The following ZBTB21 variants were observed in gnomAD, a reference collection of about 807,000 sequenced individuals.
The protein encoded by ZBTB21 is zinc finger and BTB domain-containing protein 21.
In ZBTB21, 10 loss-of-function variants were observed where a neutral mutation model predicts 39.8. The observed-to-expected ratio is 0.25, with a 90% CI of 0.16 to 0.43. The LOEUF (loss-of-function observed/expected upper bound fraction) is 0.43, where lower values mean the gene tolerates loss of function less well. Ranked by LOEUF, ZBTB21 falls within the 20% of genes least tolerant of loss-of-function variation. ZBTB21 has a pLI of 1.00. For missense variants in ZBTB21, 1,221 were observed against 1,296.3 expected (o/e 0.94, Z 0.89); for synonymous variants, 551 against 498.8 (o/e 1.10, Z -1.40).
intron 2 of ZBTB21, among the ~76,000 whole-genome samples, chr21:42,001,741 A>G (rs146665335): frequency 1.3e-5 from 2 of 152,360 alleles, no homozygotes; most frequent in African/African-American, 2.4e-5. Context: ...TGCCACACAC[A>G]CAAAAGAAAA....
At chr21:42,007,225 A>G (rs1438942709) in intron 1 of ZBTB21, among the ~76,000 whole-genome samples, 1 of 152,224 alleles carries the variant, frequency 6.6e-6, no homozygotes, top group Non-Finnish European at 1.5e-5. Flanking sequence ...CTTCCACAAC[A>G]ATAAAGATTT....
intron 2 of ZBTB21, among the ~76,000 whole-genome samples, chr21:42,000,225 AT>A (rs2065801392): frequency 6.6e-6 from 1 of 152,172 alleles, no homozygotes; most frequent in Non-Finnish European, 1.5e-5. Flanking sequence ...AGGAGTTCAG[AT>A]TTTTTAAAGA....
intron 2 of ZBTB21, chr21:42,002,261 C>T (rs2065826826): frequency 6.6e-6 from 1 of 152,086 alleles, no homozygotes; most frequent in African/African-American, 2.4e-5. Context: ...AAACAATGTA[C>T]CCTTTCCTAG....
Position 41,993,939 on chromosome 21 carries a change from C to G in ZBTB21, c.157G>C (p.Glu53Gln), listed in dbSNP as rs143202688. Residue 53 changes from glutamate to glutamine, a missense_variant, in exon 3 of 3, where the codon GAA becomes CAA. Glu to Gln is a conservative substitution (Grantham distance 29). Around this residue, in one of 4 missense-constraint regions of ZBTB21, gnomAD observed 108 missense variants for 155.0 expected, o/e 0.70. Transcript: ENST00000310826. ...TTTGTGAATAAACTCTGAAAGTATT[C>G]GCTGCTGGCAGCCAAGACGTTTTTA... is the stretch of plus-strand genomic sequence containing the variant. Reference protein sequence around the residue: ...AHKNVLAASSEYFQSLFTNKE... With the variant: ...AHKNVLAASSQYFQSLFTNKE... The G allele has an allele frequency of 6.2e-7, 1 of 1,614,202 alleles. No individual in the cohort carries two copies. Among genetic ancestry groups the G allele is most frequent in the South Asian group, 1.1e-5 (1 of 91,058 alleles).
rs959903063 is a variant in ZBTB21 at position 41,993,438 on chromosome 21, G to C, written c.658C>G (p.Leu220Val). ...TCATCCAAAGATCCAGAATGCTCAA[G>C]AGACTTTGCATATACCACAGAACTA... ...KDSSVVYAKS[L>V]EHSGSLDDPN... The change falls in exon 3 of 3, where the codon CTT becomes GTT. Residue 220 changes from leucine to valine, a missense_variant. Leu to Val is a conservative substitution (Grantham distance 32). Around this residue, in one of 4 missense-constraint regions of ZBTB21, gnomAD observed 500 missense variants for 465.6 expected, o/e 1.07. Transcript: ENST00000310826. 2 of 1,614,188 alleles carry C rather than the reference G, an allele frequency of 1.2e-6. No individual in the cohort carries two copies. The highest frequency in any genetic ancestry group is 1.1e-5 in the South Asian group (1 of 91,076).
intron 2 of ZBTB21, among the ~76,000 whole-genome samples, chr21:41,998,362 T>C (rs2065777160): frequency 6.6e-6 from 1 of 151,852 alleles, no homozygotes; most frequent in African/African-American, 2.4e-5. Flanking sequence ...CAGCTAATTT[T>C]TGTATTTTTA....
chr21:41,991,152 G>T lies in ZBTB21; in HGVS notation c.2944C>A (p.Pro982Thr). The T allele has an allele frequency of 3.7e-6, 6 of 1,614,150 alleles. No individual in the cohort carries two copies. The highest frequency in any genetic ancestry group is 5.1e-6 in the Non-Finnish European group (6 of 1,180,014). The change falls in exon 3 of 3, where the codon CCC becomes ACC. Residue 982 changes from proline to threonine, a missense_variant. Pro to Thr is a conservative substitution (Grantham distance 38). This residue lies in a region of ZBTB21 where 523 missense variants were observed against 542.5 expected (regional missense o/e 0.96). Transcript: ENST00000310826. The surrounding 1 kb of genome is among the most constrained non-coding windows in gnomAD (Gnocchi z 4.9). ...SEVCPVPTNS[P>T]SPPPLPPPPP... is the part of the protein sequence containing the mutation. ...GGCGGTGGCAGAGGTGGTGGAGAGGGAGAGTTTGTGGGAACAGGGCACACC... is the reference window on the plus strand; with the variant it reads ...GGCGGTGGCAGAGGTGGTGGAGAGGTAGAGTTTGTGGGAACAGGGCACACC...
In ZBTB21 at chr21:41,991,117, C is replaced by G. The variant is rs149550813; in HGVS notation, c.2979G>C (p.Leu993=). The part of the protein sequence containing the change: ...SPPPLPPPPP[L]PKIQPLEPDS... ...CAGGCTCCAGAGGCTGGATCTTGGG[C>G]AGTGGTGGTGGCGGTGGCAGAGGTG... The change falls in exon 3 of 3, where the codon CTG becomes CTC. Residue 993 remains leucine (L), a synonymous_variant. Transcript: ENST00000310826. This position sits in a 1 kb window ranked among gnomAD's most constrained non-coding sequence, Gnocchi z 4.9. 1.2e-5 allele frequency: 20 copies of G among 1,612,964 alleles called. No homozygotes were observed. In the South Asian group the frequency reaches 1.8e-4, roughly 14 times the overall value.
chr21:41,993,143 G>C lies in ZBTB21; in HGVS notation c.953C>G (p.Pro318Arg), dbSNP rs747199104. ...LYYSKLGLVIPSSGSGSGNQS... is the reference protein window; with the variant it reads ...LYYSKLGLVIRSSGSGSGNQS... ...GTTTCCAGAACCAGATCCACTGGAT[G>C]GGATCACTAAGCCTAACTTTGAATA... Residue 318 changes from proline (P) to arginine (R), a missense_variant, in exon 3 of 3, where the codon CCA (proline) becomes CGA (arginine). Physicochemically the swap from Pro to Arg is moderately radical, Grantham distance 103 (BLOSUM62 -2). Coordinates refer to ENST00000310826, the MANE Select transcript of ZBTB21 (RefSeq NM_001098402.2). The C allele has an allele frequency of 1.9e-6, 3 of 1,614,156 alleles. No individual in the cohort carries two copies. In the South Asian group the frequency reaches 3.3e-5, roughly 18 times the overall value.
rs1680214928 is a variant in ZBTB21, at chr21:41,993,131, G to A, written c.965C>T (p.Ser322Phe). The A allele has an allele frequency of 6.2e-7, 1 of 1,614,118 alleles. No homozygotes were observed. The highest frequency in any genetic ancestry group is 1.7e-5 in the Admixed American group (1 of 60,010). The change falls in exon 3 of 3, where the codon TCT becomes TTT. Residue 322 changes from serine to phenylalanine, a missense_variant. Ser to Phe is a radical substitution (Grantham distance 155, BLOSUM62 -2). Coordinates refer to ENST00000310826, the MANE Select transcript of ZBTB21 (RefSeq NM_001098402.2). ...GTCAATGCTTTGGTTTCCAGAACCAGATCCACTGGATGGGATCACTAAGCC... is the reference window on the plus strand; with the variant it reads ...GTCAATGCTTTGGTTTCCAGAACCAAATCCACTGGATGGGATCACTAAGCC... ...KLGLVIPSSG[S>F]GSGNQSIDRS...
rs1469018623 is a variant in ZBTB21 at position 41,990,593 on chromosome 21, A to G, written c.*302T>C. 5.0e-6 allele frequency: 1 copy of G among 200,552 alleles called. No individual in the cohort carries two copies. The highest frequency in any genetic ancestry group is 9.9e-6 in the Non-Finnish European group (1 of 100,698). The allele number at this position is 200,552 out of a possible 1,614,324, so 12.4% of individuals were successfully genotyped here. A position where few individuals can be genotyped will look rare whatever the true frequency, so the allele number is the denominator to read the frequency against. ...AAAAACCAAAAACCTCAATTAAATG[A>G]TTATACTGACACCATGGAATGAGGA... On this transcript the variant is annotated 3_prime_UTR_variant, in exon 3 of 3. Transcript: ENST00000310826.
Position 41,989,299 on chromosome 21 carries a change from T to C in ZBTB21, c.*1596A>G, listed in dbSNP as rs1297277641. On this transcript the variant is annotated 3_prime_UTR_variant, in exon 3 of 3. Transcript: ENST00000310826. ...TGGTTCAATAAAAAAAATGAGAATATCTTTCCTACCACTGGTATGGAATGT... is the reference window on the plus strand; with the variant it reads ...TGGTTCAATAAAAAAAATGAGAATACCTTTCCTACCACTGGTATGGAATGT... 1 of 152,090 alleles carries C rather than the reference T, an allele frequency of 6.6e-6. No homozygotes were observed. Among genetic ancestry groups the C allele is most frequent in the East Asian group, 1.9e-4 (1 of 5,202 alleles). 9.4% of individuals were successfully genotyped at this position (152,090 alleles called of 1,614,324 possible). A position where few individuals can be genotyped will look rare whatever the true frequency, so the allele number is the denominator to read the frequency against.
chr21:42,006,428 CAA>C (rs11325246), intron 1 of ZBTB21, among the ~76,000 whole-genome samples: 7,128 of 135,060 alleles, frequency 0.053, 232 homozygotes, highest in Middle Eastern at 0.091. Flanking sequence ...AACTCCGTCT[CAA>C]AAAAAAAAAA....
In ZBTB21 at chr21:41,992,632, C is replaced by T. The variant is rs79977760; in HGVS notation, c.1464G>A (p.Ala488=). Residue 488 remains alanine (A), a synonymous_variant, in exon 3 of 3, where the codon GCG becomes GCA. Transcript: ENST00000310826. The surrounding 1 kb of genome is among the most constrained non-coding windows in gnomAD (Gnocchi z 4.1). ...SRLPAKRRFQ[A]DRRLPFKKLK... The stretch of plus-strand genomic sequence containing the variant: ...ACTTCTTAAACGGCAATCTTCGGTC[C>T]GCTTGGAACCTCCTTTTTGCTGGGA... 11,214 of 1,614,070 alleles carry T rather than the reference C, an allele frequency of 6.9e-3. 58 individuals carry two copies. The highest frequency in any genetic ancestry group is 0.016 in the Middle Eastern group (95 of 6,062).
At chr21:41,996,129 T>C (rs994174154) in intron 2 of ZBTB21, among the ~76,000 whole-genome samples, 6 of 152,138 alleles carry the variant, frequency 3.9e-5, no homozygotes, top group African/African-American at 7.2e-5. Flanking sequence ...AGCCCCCACA[T>C]AGAGTCCCCA....
chr21:42,002,080 T>C (rs750755463), intron 2 of ZBTB21, among the ~76,000 whole-genome samples: 26 of 152,112 alleles, frequency 1.7e-4, no homozygotes, highest in Non-Finnish European at 2.2e-4. Context: ...AAATATGTCA[T>C]CTGAGGATCT....
chr21:42,008,336 T>C (rs2065905399), intron 1 of ZBTB21, among the ~76,000 whole-genome samples: 1 of 67,118 alleles, frequency 1.5e-5, no homozygotes, highest in Non-Finnish European at 2.7e-5. Flanking sequence ...TGAAACCCCG[T>C]CTCTACAAAA....
chr21:41,993,153 A>T lies in ZBTB21; in HGVS notation c.943T>A (p.Leu315Ile), dbSNP rs1418787184. The change falls in exon 3 of 3, where the codon TTA becomes ATA. Residue 315 changes from leucine to isoleucine, a missense_variant. Leu to Ile is a conservative substitution (Grantham distance 5). This residue lies in a region of ZBTB21 where 500 missense variants were observed against 465.6 expected (regional missense o/e 1.07). Transcript: ENST00000310826. ...RNLLYYSKLG[L>I]VIPSSGSGSG... is the part of the protein sequence containing the mutation. ...CCAGATCCACTGGATGGGATCACTA[A>T]GCCTAACTTTGAATAGTACAACAAG... 3.7e-6 allele frequency: 6 copies of T among 1,614,046 alleles called. No homozygotes were observed. The highest frequency in any genetic ancestry group is 5.1e-6 in the Non-Finnish European group (6 of 1,180,044).
intron 2 of ZBTB21, among the ~76,000 whole-genome samples, chr21:41,999,714 G>A (rs1431578803): frequency 1.3e-5 from 2 of 152,204 alleles, no homozygotes; most frequent in African/African-American, 4.8e-5. Flanking sequence ...CGAGGGATGA[G>A]CCATGGAGAT....
Sources: allele counts gnomAD v4.1 joint callset (sites outside exome capture counted in the v4.1 genomes callset), GRCh38; gene constraint gnomAD v4.1.1; regional missense constraint gnomAD v4.1.1; non-coding constraint Gnocchi (gnomAD v3.1); transcripts MANE v1.5; gene names NCBI Gene and HGNC (gene_info 2026-07-23, HGNC 2026-07-21).